The following TFAP4 variants were observed in gnomAD, a reference collection of about 807,000 sequenced individuals.
The protein encoded by TFAP4 is transcription factor AP-4.
In TFAP4, 7 loss-of-function variants were observed where a neutral mutation model predicts 40.4. That is an observed-to-expected ratio of 0.17 (90% CI 0.10 to 0.33). The LOEUF (loss-of-function observed/expected upper bound fraction) is 0.33. Among genes scored for constraint, TFAP4 ranks in the 10% least tolerant of loss-of-function variants. The pLI, the probability that TFAP4 is intolerant of heterozygous loss-of-function variation, is 1.00. For synonymous variants in TFAP4, 218 were observed against 181.4 expected, an observed-to-expected ratio of 1.20 and a Z score of -1.62; for missense variants, 374 against 451.1, an observed-to-expected ratio of 0.83 and a Z score of 1.55.
chr16:4,267,723 C>G (rs1167899734), intron 1 of TFAP4, among the ~76,000 whole-genome samples: 1 of 152,072 alleles, frequency 6.6e-6, no homozygotes, highest in Non-Finnish European at 1.5e-5. Context: ...CTCAGGGTCA[C>G]TTAACATCTA....
chr16:4,260,213 G>T lies in TFAP4; in HGVS notation c.699C>A (p.Pro233=), dbSNP rs1169895889. The T allele has an allele frequency of 1.3e-6, 2 of 1,569,096 alleles. No homozygotes were observed. The highest frequency in any genetic ancestry group is 1.7e-6 in the Non-Finnish European group (2 of 1,160,184). The part of the protein sequence containing the change: ...LLPPPAPTHH[P]TVIVPAPPPP... The stretch of plus-strand genomic sequence containing the variant: ...GAGGCGGTGCTGGCACGATCACCGT[G>T]GGGTGGTGGGTGGGGGCCGGAGGGG... The change falls in exon 6 of 7, where the codon CCC becomes CCA. Residue 233 remains proline, a synonymous_variant. Coordinates refer to ENST00000204517, the MANE Select transcript of TFAP4 (RefSeq NM_003223.3).
At chr16:4,262,963 TA>T in intron 1 of TFAP4, 1 of 500,244 alleles carries the variant, frequency 2.0e-6, no homozygotes, top group South Asian at 2.2e-5. Flanking sequence ...TCATTGAGCC[TA>T]AGAGTTTGAG....
rs1438189110 is a variant in TFAP4 at position 4,262,555 on chromosome 16, T to C, written c.236A>G (p.Asp79Gly). Residue 79 changes from aspartate to glycine, a missense_variant, in exon 2 of 7, where the codon GAC (aspartate) becomes GGC (glycine). Coordinates refer to ENST00000204517, the MANE Select transcript of TFAP4 (RefSeq NM_003223.3). ...ACCCACCTTGCTGAGCTTCTCTCCG[T>C]CTGTGTGGGGGATGAGGGTCTTGAG... ...QSLKTLIPHT[D>G]GEKLSKAAIL... 6.2e-7 allele frequency: 1 copy of C among 1,612,514 alleles called. No homozygotes were observed. Among genetic ancestry groups the C allele is most frequent in the Non-Finnish European group, 8.5e-7 (1 of 1,179,998 alleles).
intron 1 of TFAP4, among the ~76,000 whole-genome samples, chr16:4,271,668 G>C (rs1192553939): frequency 3.3e-5 from 5 of 152,178 alleles, no homozygotes; most frequent in African/African-American, 9.6e-5. Flanking sequence ...CCGGCTGGGG[G>C]ACCCGACGCT....
In TFAP4 at chr16:4,272,802, C is replaced by G; in HGVS notation, c.-56G>C. ...AGGTCCCGCGATCAGCCGGAGAATG[C>G]AAGATGGAAATCCGAATCAAAGGGC... On this transcript the variant is annotated 5_prime_UTR_variant, in exon 1 of 7. Transcript: ENST00000204517. 1 of 1,528,308 alleles carries G rather than the reference C, an allele frequency of 6.5e-7. No individual in the cohort carries two copies. The highest frequency in any genetic ancestry group is 9.0e-7 in the Non-Finnish European group (1 of 1,115,928). 94.7% of individuals were successfully genotyped at this position (1,528,308 alleles called of 1,614,324 possible).
rs144892069 is a variant in TFAP4, at chr16:4,257,962, G to C, written c.*93C>G. ...GAGACCCAAATGACATCGTAATTTT[G>C]TAAAAATTTCTCACTCATTCGCCCA... is the stretch of plus-strand genomic sequence containing the variant. On this transcript the variant is annotated 3_prime_UTR_variant, in exon 7 of 7. Transcript: ENST00000204517. 112 of 1,249,110 alleles carry C rather than the reference G, an allele frequency of 9.0e-5. No homozygotes were observed. The African/African-American group carries it at 1.3e-3, about 14-fold the overall frequency. 77.4% of individuals were successfully genotyped at this position (1,249,110 alleles called of 1,614,324 possible).
intron 1 of TFAP4, among the ~76,000 whole-genome samples, chr16:4,272,448 G>T (rs1362648075): frequency 6.6e-6 from 1 of 152,082 alleles, no homozygotes; most frequent in South Asian, 2.1e-4. Flanking sequence ...GACAAAAGTG[G>T]CCGGGGCCGC....
intron 5 of TFAP4, 33 bp from the exon 6 acceptor site, chr16:4,260,278 A>T (rs1464160991): frequency 1.2e-5 from 19 of 1,530,028 alleles, no homozygotes; most frequent in Non-Finnish European, 1.7e-5. Context: ...CTTTCTCTCA[A>T]GGCTTCTCTT....
At chr16:4,260,054 AC>A in intron 6 of TFAP4, 35 bp downstream of exon 6, 1 of 1,588,998 alleles carries the variant, frequency 6.3e-7, no homozygotes, top group Non-Finnish European at 8.5e-7. Flanking sequence ...CCGGAGTATG[AC>A]CCCCACAAGC....
At chr16:4,269,492 CAAAAAAAAAA>C (rs60856578) in intron 1 of TFAP4, among the ~76,000 whole-genome samples, 2 of 43,216 alleles carry the variant, frequency 4.6e-5, no homozygotes, top group Non-Finnish European at 8.2e-5. Context: ...GACTCTGCCT[CAAAAAAAAAA>C]AAAAAAAAAA....
chr16:4,266,239 T>C (rs1335379377), intron 1 of TFAP4: 1 of 152,296 alleles, frequency 6.6e-6, no homozygotes, highest in Non-Finnish European at 1.5e-5. Context: ...TGCATCAGAA[T>C]CTGCCGGCCC....
At chr16:4,270,828 A>T (rs1250019840) in intron 1 of TFAP4, among the ~76,000 whole-genome samples, 1 of 152,132 alleles carries the variant, frequency 6.6e-6, no homozygotes, top group Admixed American at 6.5e-5. Context: ...CAGCGGCTCA[A>T]CTGCACCTCC....
intron 6 of TFAP4, 21 bp from the exon 7 acceptor site, chr16:4,258,270 G>A (rs769674930): frequency 6.5e-7 from 1 of 1,546,756 alleles, no homozygotes; most frequent in Non-Finnish European, 8.7e-7. Context: ...ACGAACCACT[G>A]AGAAGGCTCG....
chr16:4,266,388 C>T (rs539385691), intron 1 of TFAP4: 1 of 152,272 alleles, frequency 6.6e-6, no homozygotes, highest in African/African-American at 2.4e-5. Context: ...GCAAATTTCC[C>T]CCCAAAAGGT....
At chr16:4,271,987 C>A (rs966987531) in intron 1 of TFAP4, among the ~76,000 whole-genome samples, 4 of 152,006 alleles carry the variant, frequency 2.6e-5, no homozygotes, top group African/African-American at 4.8e-5. Flanking sequence ...GTCCAGGCCT[C>A]GCTAGTAAAC....
intron 1 of TFAP4, 92 bp downstream of exon 1, chr16:4,272,566 C>T: frequency 2.2e-6 from 2 of 905,978 alleles, no homozygotes; most frequent in East Asian, 3.3e-5. Context: ...GTCGGCGGCG[C>T]GGGCCATGCG....
chr16:4,258,926 T>G (rs534029353), intron 6 of TFAP4: 1 of 151,940 alleles, frequency 6.6e-6, no homozygotes, highest in East Asian at 2.0e-4. Context: ...AGAAGCCTAC[T>G]AAAAATACAA....
chr16:4,269,549 C>T (rs917057675), intron 1 of TFAP4, among the ~76,000 whole-genome samples: 3 of 145,088 alleles, frequency 2.1e-5, no homozygotes, highest in African/African-American at 5.1e-5. Flanking sequence ...CGGTGGCTCA[C>T]GTCTGAAATC....
rs750531933 is a variant in TFAP4 at position 4,258,047 on chromosome 16, G to T, written c.*8C>A. ...CCCCCAGAAGGGAGAGGAGGGCTGGGGGGGTAGTCAGGGAAGCTCCCCGTC... is the reference window on the plus strand; with the variant it reads ...CCCCCAGAAGGGAGAGGAGGGCTGGTGGGGTAGTCAGGGAAGCTCCCCGTC... On this transcript the variant is annotated 3_prime_UTR_variant, in exon 7 of 7. Transcript: ENST00000204517. 3.0e-5 allele frequency: 48 copies of T among 1,608,546 alleles called. No individual in the cohort carries two copies. The highest frequency in any genetic ancestry group is 3.8e-5 in the Non-Finnish European group (45 of 1,178,888).
Sources: allele counts gnomAD v4.1 joint callset (sites outside exome capture counted in the v4.1 genomes callset), GRCh38; gene constraint gnomAD v4.1.1; transcripts MANE v1.5; gene names NCBI Gene and HGNC (gene_info 2026-07-23, HGNC 2026-07-21).